The following NSMCE2 variants were observed in gnomAD, a reference collection of about 807,000 sequenced individuals.
NSMCE2 encodes the protein E3 SUMO-protein ligase NSE2.
A neutral mutation model predicts 23.8 loss-of-function variants in NSMCE2; 24 were observed. The ratio of observed to expected loss-of-function variants is 1.01; its 90% CI spans 0.73 to 1.42. NSMCE2 has a LOEUF of 1.42. Ranked by LOEUF, NSMCE2 falls within the 40% of genes most tolerant of loss-of-function variation. The pLI, the probability that NSMCE2 is intolerant of heterozygous loss-of-function variation, is 0.00. For missense variants in NSMCE2, 284 were observed against 296.5 expected, an observed-to-expected ratio of 0.96 and a Z score of 0.31; for synonymous variants, 92 against 94.1, an observed-to-expected ratio of 0.98 and a Z score of 0.13.
intron 5 of NSMCE2, among the ~76,000 whole-genome samples, chr8:125,336,654 A>G (rs759300714): frequency 6.6e-6 from 1 of 152,258 alleles, no homozygotes; most frequent in Non-Finnish European, 1.5e-5. Context: ...TCACAGTTTC[A>G]TCTGCCATGT....
intron 4 of NSMCE2, among the ~76,000 whole-genome samples, chr8:125,168,489 A>G (rs1228809174): frequency 1.3e-5 from 2 of 152,222 alleles, no homozygotes; most frequent in African/African-American, 4.8e-5. Context: ...TATTTCTCAC[A>G]GTTCTGGAGT....
intron 5 of NSMCE2, among the ~76,000 whole-genome samples, chr8:125,254,783 A>G (rs1274946181): frequency 1.3e-5 from 2 of 152,138 alleles, no homozygotes; most frequent in Non-Finnish European, 2.9e-5. Context: ...GTGACGTTCT[A>G]TGGAAGCAGT....
At chr8:125,292,563 A>G (rs1446653011) in intron 5 of NSMCE2, among the ~76,000 whole-genome samples, 1 of 152,156 alleles carries the variant, frequency 6.6e-6, no homozygotes, top group African/African-American at 2.4e-5. Flanking sequence ...CAAAAAAAAA[A>G]AGAACCTATG....
intron 5 of NSMCE2, among the ~76,000 whole-genome samples, chr8:125,232,605 G>A (rs926724581): frequency 4.6e-5 from 7 of 152,082 alleles, no homozygotes; most frequent in Non-Finnish European, 1.0e-4. Context: ...AATTATGATG[G>A]AAAATTTCAA....
chr8:125,159,042 C>G (rs1821465105), intron 4 of NSMCE2, among the ~76,000 whole-genome samples: 1 of 152,174 alleles, frequency 6.6e-6, no homozygotes, highest in Non-Finnish European at 1.5e-5. Context: ...AATAGCACCT[C>G]ATTCTGAGTT....
At chr8:125,336,268 C>T (rs571882387) in intron 5 of NSMCE2, among the ~76,000 whole-genome samples, 2 of 152,284 alleles carry the variant, frequency 1.3e-5, no homozygotes, top group East Asian at 3.9e-4. Flanking sequence ...TAATCAATTA[C>T]TCAATTAAAT....
intron 5 of NSMCE2, among the ~76,000 whole-genome samples, chr8:125,236,381 CAT>C (rs1332942905): frequency 6.6e-6 from 1 of 150,596 alleles, no homozygotes; most frequent in Non-Finnish European, 1.5e-5. Context: ...ATATATATAT[CAT>C]ATGATCCCAT....
intron 3 of NSMCE2, among the ~76,000 whole-genome samples, chr8:125,131,860 T>G (rs1274368346): frequency 1.3e-5 from 2 of 152,174 alleles, no homozygotes; most frequent in Non-Finnish European, 2.9e-5. Context: ...CTTGCACAAG[T>G]AGGTGCACCC....
At chr8:125,122,514 C>T (rs981573796) in intron 3 of NSMCE2, among the ~76,000 whole-genome samples, 5 of 152,310 alleles carry the variant, frequency 3.3e-5, no homozygotes, top group African/African-American at 1.2e-4. Flanking sequence ...TCAACATATG[C>T]TCTTTAAGCC....
intron 5 of NSMCE2, among the ~76,000 whole-genome samples, chr8:125,331,796 A>G (rs553265865): frequency 1.3e-5 from 2 of 152,310 alleles, no homozygotes; most frequent in East Asian, 3.9e-4. Context: ...AGCGTATAGC[A>G]TGGTCCACTT....
In NSMCE2 at chr8:125,102,357, A is replaced by G; in HGVS notation, c.27A>G (p.Ser9=). The stretch of plus-strand genomic sequence containing the variant: ...TGCCAGGACGTTCCAGTTCAAATTC[A>G]GGTTCAACTGGTTTCATCTCCTTCA... MPGRSSSN[S]GSTGFISFSG... Residue 9 remains serine, a synonymous_variant, in exon 3 of 8, where the codon TCA becomes TCG. Transcript: ENST00000287437. The G allele has an allele frequency of 1.2e-6, 2 of 1,613,868 alleles. No individual in the cohort carries two copies. The highest frequency in any genetic ancestry group is 8.5e-7 in the Non-Finnish European group (1 of 1,179,768).
intron 5 of NSMCE2, among the ~76,000 whole-genome samples, chr8:125,296,648 G>A (rs1241457481): frequency 1.3e-5 from 2 of 152,000 alleles, no homozygotes; most frequent in African/African-American, 4.8e-5. Context: ...CACCCACCTT[G>A]GCCTCCCAAA....
At chr8:125,202,088 G>A (rs549073071) in intron 5 of NSMCE2, among the ~76,000 whole-genome samples, 1 of 152,236 alleles carries the variant, frequency 6.6e-6, no homozygotes, top group Non-Finnish European at 1.5e-5. Context: ...GTATTTTGGC[G>A]AGAGTGTCCT....
intron 5 of NSMCE2, among the ~76,000 whole-genome samples, chr8:125,301,513 A>C (rs1403892308): frequency 6.6e-6 from 1 of 152,082 alleles, no homozygotes; most frequent in Non-Finnish European, 1.5e-5. Context: ...TATTCACCGA[A>C]AGTACTTGGA....
chr8:125,274,887 G>A (rs866132696), intron 5 of NSMCE2, among the ~76,000 whole-genome samples: 18 of 145,548 alleles, frequency 1.2e-4, no homozygotes, highest in Middle Eastern at 3.7e-3. Flanking sequence ...CCAAGATCGC[G>A]CCATTGCACT....
intron 5 of NSMCE2, among the ~76,000 whole-genome samples, chr8:125,227,938 A>T (rs1332525943): frequency 6.6e-6 from 1 of 152,166 alleles, no homozygotes; most frequent in Non-Finnish European, 1.5e-5. Context: ...TTGATTTCTA[A>T]TATTTCATGT....
At chr8:125,126,399 T>C (rs886433843) in intron 3 of NSMCE2, among the ~76,000 whole-genome samples, 1 of 151,776 alleles carries the variant, frequency 6.6e-6, no homozygotes. Flanking sequence ...GGGACAGTTA[T>C]TGTCTTTGCT....
chr8:125,165,542 G>A (rs971293484), intron 4 of NSMCE2, among the ~76,000 whole-genome samples: 1 of 152,164 alleles, frequency 6.6e-6, no homozygotes, highest in East Asian at 1.9e-4. Flanking sequence ...TTATCTTACA[G>A]TGCAACATGT....
intron 1 of NSMCE2, among the ~76,000 whole-genome samples, chr8:125,098,018 T>C (rs1818014997): frequency 6.6e-6 from 1 of 152,118 alleles, no homozygotes; most frequent in Non-Finnish European, 1.5e-5. Context: ...CATGCCTGGG[T>C]TATTAAAGGA....
Sources: allele counts gnomAD v4.1 joint callset (sites outside exome capture counted in the v4.1 genomes callset), GRCh38; gene constraint gnomAD v4.1.1; transcripts MANE v1.5; gene names NCBI Gene and HGNC (gene_info 2026-07-23, HGNC 2026-07-21).